Variants in KCNT2 observed in about 807,000 individuals in gnomAD.
KCNT2 encodes potassium sodium-activated channel subfamily T member 2.
KCNT2 carries 67 observed loss-of-function variants against 153.8 expected under a neutral mutation model. The ratio of observed to expected loss-of-function variants is 0.44; its 90% confidence interval spans 0.36 to 0.53. The LOEUF (loss-of-function observed/expected upper bound fraction) is 0.53. KCNT2 is among the 20% of genes least tolerant of loss of function. The probability of loss-of-function intolerance (pLI) is 0.00; values close to 1 mark genes in which losing one functional copy is unlikely to be tolerated. For missense variants in KCNT2, 975 were observed against 1,354.8 expected (o/e 0.72, Z 4.40); for synonymous variants, 500 against 458.8 (o/e 1.09, Z -1.15).
chr1:196,460,822 T>A (rs1303497583), intron 8 of KCNT2, among the ~76,000 whole-genome samples: 1 of 151,736 alleles, frequency 6.6e-6, no homozygotes, highest in Non-Finnish European at 1.5e-5. Flanking sequence ...TATAATTATA[T>A]TTTGCATTTT....
chr1:196,561,364 T>A (rs1659359959), intron 1 of KCNT2, among the ~76,000 whole-genome samples: 1 of 150,712 alleles, frequency 6.6e-6, no homozygotes, highest in Admixed American at 6.6e-5. Context: ...AGGGTTCAGG[T>A]GAGAAATGGT....
intron 4 of KCNT2, among the ~76,000 whole-genome samples, chr1:196,481,541 C>A (rs1232490548): frequency 6.6e-6 from 1 of 152,200 alleles, no homozygotes; most frequent in Non-Finnish European, 1.5e-5. Context: ...TTCCTCCAGA[C>A]TCAAGTGTCT....
intron 1 of KCNT2, among the ~76,000 whole-genome samples, chr1:196,494,799 C>A (rs1350972653): frequency 6.6e-6 from 1 of 152,096 alleles, no homozygotes; most frequent in Non-Finnish European, 1.5e-5. Flanking sequence ...ATTTCAGTTA[C>A]CAACATTATT....
At chr1:196,502,869 C>A (rs1336780068) in intron 1 of KCNT2, among the ~76,000 whole-genome samples, 2 of 151,810 alleles carry the variant, frequency 1.3e-5, no homozygotes, top group African/African-American at 2.4e-5. Flanking sequence ...AGCATGAGAA[C>A]CAAAATAAAA....
At chr1:196,293,371 G>A (rs1192871880) in intron 22 of KCNT2, among the ~76,000 whole-genome samples, 1 of 152,054 alleles carries the variant, frequency 6.6e-6, no homozygotes, top group Non-Finnish European at 1.5e-5. Flanking sequence ...AACAAATCTG[G>A]AGACATCACA....
At chr1:196,411,459 A>AC (rs1416816171) in intron 12 of KCNT2, among the ~76,000 whole-genome samples, 5 of 149,758 alleles carry the variant, frequency 3.3e-5, no homozygotes, top group African/African-American at 1.2e-4. Context: ...AAAAAAAAAA[A>AC]AAAAAAAAAA....
In KCNT2 at chr1:196,386,311, A is replaced by C. The variant is rs144797178; in HGVS notation, c.1294+12252T>G. Among the ~76,000 whole-genome samples the C allele has an allele frequency of 8.5e-5, 13 of 152,280 alleles. No individual in the cohort carries two copies. In the East Asian group the frequency reaches 2.5e-3, roughly 29 times the overall value. ...TCTCCCAAATTCCTGACCCACAGAA[A>C]CTGAGATAATAAATTTACATTGTTG... On this transcript the variant is annotated intron_variant, in intron 13 of 27. Transcript: ENST00000294725.
intron 14 of KCNT2, among the ~76,000 whole-genome samples, chr1:196,352,683 G>A (rs1169553670): frequency 6.6e-6 from 1 of 151,988 alleles, no homozygotes; most frequent in African/African-American, 2.4e-5. Flanking sequence ...TTTTTTGAAG[G>A]GTTTTTTGTG....
chr1:196,248,031 T>C (rs1655609888), intron 26 of KCNT2, among the ~76,000 whole-genome samples: 1 of 152,118 alleles, frequency 6.6e-6, no homozygotes, highest in African/African-American at 2.4e-5. Flanking sequence ...AATTAAACAG[T>C]ATAATCTTGA....
chr1:196,230,904 T>C (rs1021299019), intron 27 of KCNT2, among the ~76,000 whole-genome samples: 3 of 151,990 alleles, frequency 2.0e-5, no homozygotes, highest in African/African-American at 7.2e-5. Flanking sequence ...TTTGAAAGGA[T>C]TGACTCCAGT....
intron 1 of KCNT2, among the ~76,000 whole-genome samples, chr1:196,523,983 AC>A (rs1487817221): frequency 1.3e-5 from 2 of 152,164 alleles, no homozygotes; most frequent in African/African-American, 4.8e-5. Context: ...CTTGCACCTG[AC>A]ACAGATCAGA....
At chr1:196,322,639 T>C (rs1166562426) in intron 19 of KCNT2, among the ~76,000 whole-genome samples, 1 of 151,838 alleles carries the variant, frequency 6.6e-6, no homozygotes, top group Non-Finnish European at 1.5e-5. Flanking sequence ...TGTTAGGAAG[T>C]AAAAAAGGTT....
chr1:196,443,149 G>A (rs1675389811), intron 8 of KCNT2, among the ~76,000 whole-genome samples: 1 of 151,534 alleles, frequency 6.6e-6, no homozygotes, highest in Admixed American at 6.6e-5. Flanking sequence ...TCAAAAGAAT[G>A]AGCAGTAATT....
At chr1:196,398,180 TA>T (rs1671108868) in intron 13 of KCNT2, among the ~76,000 whole-genome samples, 1 of 151,498 alleles carries the variant, frequency 6.6e-6, no homozygotes, top group Admixed American at 6.6e-5. Flanking sequence ...ATGTGTGTAT[TA>T]AACAATTATC....
At chr1:196,313,413 C>T (rs1320751720) in intron 21 of KCNT2, among the ~76,000 whole-genome samples, 1 of 151,298 alleles carries the variant, frequency 6.6e-6, no homozygotes, top group Non-Finnish European at 1.5e-5. Flanking sequence ...TTGAAATCAT[C>T]AATAATTATG....
intron 8 of KCNT2, among the ~76,000 whole-genome samples, chr1:196,463,638 T>C (rs1307233638): frequency 6.6e-6 from 1 of 151,652 alleles, no homozygotes; most frequent in Admixed American, 6.6e-5. Context: ...AAACAATAAC[T>C]ATTATACCAA....
chr1:196,237,122 AT>A (rs1654514849), intron 26 of KCNT2, among the ~76,000 whole-genome samples: 1 of 151,702 alleles, frequency 6.6e-6, no homozygotes, highest in South Asian at 2.1e-4. Flanking sequence ...TATTTAGTGC[AT>A]ACTCAAATAA....
intron 1 of KCNT2, among the ~76,000 whole-genome samples, chr1:196,533,378 T>A (rs1253468292): frequency 6.6e-6 from 1 of 151,974 alleles, no homozygotes; most frequent in Non-Finnish European, 1.5e-5. Context: ...TGTGGAGAGG[T>A]CTATATGTCT....
chr1:196,238,279 G>A (rs1245259245), intron 26 of KCNT2, among the ~76,000 whole-genome samples: 2 of 151,840 alleles, frequency 1.3e-5, no homozygotes, highest in African/African-American at 2.4e-5. Flanking sequence ...AAATTGTGTA[G>A]ATAATTGAGA....
Sources: allele counts gnomAD v4.1 joint callset (sites outside exome capture counted in the v4.1 genomes callset), GRCh38; gene constraint gnomAD v4.1.1; transcripts MANE v1.5; gene names NCBI Gene and HGNC (gene_info 2026-07-23, HGNC 2026-07-21).